The following C8orf34 variants were observed in gnomAD, a reference collection of about 807,000 sequenced individuals.
C8orf34 encodes chromosome 8 open reading frame 34, also known as uncharacterized protein C8orf34.
A neutral mutation model predicts 68.3 loss-of-function variants in C8orf34; 65 were observed. The ratio of observed to expected loss-of-function variants is 0.95; its 90% CI spans 0.78 to 1.17. The LOEUF (loss-of-function observed/expected upper bound fraction) is 1.17, where lower values mean the gene tolerates loss of function less well. Ranked by LOEUF, C8orf34 falls within the 50% of genes most tolerant of loss-of-function variation. C8orf34 has a pLI of 0.00. For missense variants in C8orf34, 664 were observed against 655.4 expected (o/e 1.01, Z -0.14); for synonymous variants, 244 against 241.2 (o/e 1.01, Z -0.11).
intron 1 of C8orf34, among the ~76,000 whole-genome samples, chr8:68,431,563 G>A (rs565987829): frequency 7.2e-5 from 11 of 152,232 alleles, no homozygotes; most frequent in South Asian, 2.1e-4. Flanking sequence ...AAGTATTTCC[G>A]TAGGATATGC....
chr8:68,585,125 C>G (rs920227486), intron 7 of C8orf34, among the ~76,000 whole-genome samples: 4 of 152,082 alleles, frequency 2.6e-5, no homozygotes, highest in Admixed American at 2.6e-4. Context: ...CAGCACTGGG[C>G]AGTCTGAGAA....
intron 8 of C8orf34, among the ~76,000 whole-genome samples, chr8:68,643,239 T>C (rs1398288595): frequency 2.0e-5 from 3 of 152,232 alleles, no homozygotes. Flanking sequence ...TTTCCATCAT[T>C]AATTCTCCAA....
chr8:68,531,380 C>T (rs994094584), intron 6 of C8orf34, among the ~76,000 whole-genome samples: 18 of 152,094 alleles, frequency 1.2e-4, no homozygotes, highest in African/African-American at 4.1e-4. Context: ...CAACAGTCCT[C>T]TGCCTTTTGT....
intron 10 of C8orf34, among the ~76,000 whole-genome samples, chr8:68,767,225 G>C (rs908309766): frequency 1.3e-5 from 2 of 152,094 alleles, no homozygotes; most frequent in African/African-American, 4.8e-5. Context: ...ATAGCACTTT[G>C]CCAGACAACT....
intron 8 of C8orf34, among the ~76,000 whole-genome samples, chr8:68,670,488 T>A (rs531781284): frequency 2.0e-5 from 3 of 152,292 alleles, no homozygotes; most frequent in African/African-American, 4.8e-5. Context: ...TTTGAGAGAT[T>A]ACCTGGAAGA....
At chr8:68,330,902 A>G (rs963110964), upstream of C8orf34, 17 of 929,028 alleles carry the variant, frequency 1.8e-5, no homozygotes, top group African/African-American at 3.0e-4. Flanking sequence ...CCGCCCCCTG[A>G]TTCCTGCTGC....
At chr8:68,415,310 T>C (rs1278938678) in intron 1 of C8orf34, among the ~76,000 whole-genome samples, 5 of 152,050 alleles carry the variant, frequency 3.3e-5, no homozygotes, top group Admixed American at 3.3e-4. Flanking sequence ...CAAAACCCTG[T>C]CTCTACTAAA....
At chr8:68,342,094 T>C (rs923313197) in intron 1 of C8orf34, among the ~76,000 whole-genome samples, 5 of 152,200 alleles carry the variant, frequency 3.3e-5, no homozygotes, top group African/African-American at 1.2e-4. Flanking sequence ...CAAACAAAAA[T>C]GATAAGTATG....
intron 7 of C8orf34, among the ~76,000 whole-genome samples, chr8:68,612,711 A>G (rs1818059332): frequency 2.0e-5 from 3 of 152,174 alleles, no homozygotes; most frequent in Admixed American, 6.6e-5. Flanking sequence ...AAAATAAAAT[A>G]TCAATGAAAA....
Position 68,371,630 on chromosome 8 carries a change from C to T in C8orf34, c.327+40291C>T, listed in dbSNP as rs140629222. Among the ~76,000 whole-genome samples the T allele has an allele frequency of 8.5e-3, 1,272 of 149,194 alleles. 23 individuals carry two copies. The highest frequency in any genetic ancestry group is 0.029 in the African/African-American group (1,169 of 40,468). On this transcript the variant is annotated intron_variant, in intron 1 of 13. Coordinates refer to ENST00000518698, the MANE Select transcript of C8orf34 (RefSeq NM_052958.4). Reference sequence around the variant, plus strand: ...TTTTTTTTTTTTTGATACGGAGTCTCGCTCTGTTGCCCTGGCTAGAGTGCA... The same window carrying T: ...TTTTTTTTTTTTTGATACGGAGTCTTGCTCTGTTGCCCTGGCTAGAGTGCA...
intron 1 of C8orf34, among the ~76,000 whole-genome samples, chr8:68,381,836 TA>T (rs1353366037): frequency 6.6e-6 from 1 of 151,852 alleles, no homozygotes; most frequent in African/African-American, 2.4e-5. Context: ...TAAAATGACT[TA>T]AATACCTATA....
chr8:68,549,442 A>T (rs1014791752), intron 7 of C8orf34, among the ~76,000 whole-genome samples: 2 of 151,790 alleles, frequency 1.3e-5, no homozygotes. Context: ...TGAGGGATTG[A>T]CTTGATATTA....
At chr8:68,588,142 CA>C (rs1323403000) in intron 7 of C8orf34, among the ~76,000 whole-genome samples, 1 of 152,084 alleles carries the variant, frequency 6.6e-6, no homozygotes, top group Admixed American at 6.6e-5. Context: ...TGCCCTTCCC[CA>C]TCCAAAATTT....
At chr8:68,583,044 T>C (rs1563543780) in intron 7 of C8orf34, among the ~76,000 whole-genome samples, 1 of 152,160 alleles carries the variant, frequency 6.6e-6, no homozygotes, top group Non-Finnish European at 1.5e-5. Flanking sequence ...TCATTATAAA[T>C]GTAAGTTTCC....
intron 10 of C8orf34, among the ~76,000 whole-genome samples, chr8:68,755,397 A>G (rs1822826366): frequency 6.6e-6 from 1 of 152,250 alleles, no homozygotes; most frequent in African/African-American, 2.4e-5. Context: ...AGCATTATAA[A>G]GGTGTTGCCT....
At chr8:68,506,167 G>A (rs1814014363) in intron 5 of C8orf34, among the ~76,000 whole-genome samples, 1 of 151,810 alleles carries the variant, frequency 6.6e-6, no homozygotes, top group South Asian at 2.1e-4. Context: ...TACAAAATTA[G>A]AAGATGACTT....
At chr8:68,377,396 CAAATTAAGGAG>C (rs967058139) in intron 1 of C8orf34, among the ~76,000 whole-genome samples, 38 of 104,956 alleles carry the variant, frequency 3.6e-4, no homozygotes, top group African/African-American at 1.3e-3. Flanking sequence ...GACCCTGTCT[CAAATTAAGGAG>C]AAGGAGAAGG....
intron 5 of C8orf34, among the ~76,000 whole-genome samples, chr8:68,511,061 T>G (rs1814250968): frequency 6.6e-6 from 1 of 152,226 alleles, no homozygotes; most frequent in African/African-American, 2.4e-5. Context: ...GTCAAAGCCT[T>G]GGTAAAATAA....
At chr8:68,377,059 A>T (rs979492361) in intron 1 of C8orf34, among the ~76,000 whole-genome samples, 1 of 152,024 alleles carries the variant, frequency 6.6e-6, no homozygotes, top group Non-Finnish European at 1.5e-5. Context: ...GAGAGGAGGA[A>T]CCTTCATGGA....
Sources: allele counts gnomAD v4.1 joint callset (sites outside exome capture counted in the v4.1 genomes callset), GRCh38; gene constraint gnomAD v4.1.1; transcripts MANE v1.5; gene names NCBI Gene and HGNC (gene_info 2026-07-23, HGNC 2026-07-21).